The following NYAP2 variants were observed in gnomAD, a reference collection of about 807,000 sequenced individuals.
NYAP2 encodes neuronal tyrosine-phosphorylated phosphoinositide-3-kinase adapter 2.
NYAP2 carries 23 observed loss-of-function variants against 50.4 expected under a neutral mutation model. The observed-to-expected ratio is 0.46, with a 90% CI of 0.33 to 0.65. The LOEUF (loss-of-function observed/expected upper bound fraction) is 0.65. NYAP2 is among the 30% of genes least tolerant of loss of function. NYAP2 has a pLI of 0.02. For synonymous variants in NYAP2, 394 were observed against 365.2 expected (o/e 1.08, Z -0.90); for missense variants, 885 against 861.0 (o/e 1.03, Z -0.35).
chr2:225,674,642 G>C, the NYAP2 span, among the ~76,000 whole-genome samples: 144,870 of 152,120 alleles, frequency 0.95, 69,088 homozygotes, highest in African/African-American at 0.99. Flanking sequence ...CATGTCATTA[G>C]TCTGTTGATT....
intron 4 of NYAP2, among the ~76,000 whole-genome samples, chr2:225,522,455 T>C (rs1691081922): frequency 6.6e-6 from 1 of 152,100 alleles, no homozygotes; most frequent in Admixed American, 6.6e-5. Flanking sequence ...GCAATCATGG[T>C]TGTTGTTACA....
the NYAP2 span, among the ~76,000 whole-genome samples, chr2:225,690,200 T>A: frequency 1.3e-5 from 2 of 152,142 alleles, no homozygotes; most frequent in Non-Finnish European, 2.9e-5. Flanking sequence ...TGAGGAGTAG[T>A]GTTGCCTCTA....
intron 5 of NYAP2, 98 bp downstream of exon 5, chr2:225,583,133 C>T: frequency 7.4e-7 from 1 of 1,353,618 alleles, no homozygotes; most frequent in Non-Finnish European, 9.8e-7. Flanking sequence ...AGTACGGGGT[C>T]TTGAGGCCTT....
At chr2:225,456,713 A>T (rs1220019559) in intron 3 of NYAP2, among the ~76,000 whole-genome samples, 4 of 151,932 alleles carry the variant, frequency 2.6e-5, no homozygotes, top group Non-Finnish European at 5.9e-5. Context: ...GCCAACTTTT[A>T]GTTTGTGTCT....
At chr2:225,695,328 T>G in the NYAP2 span, among the ~76,000 whole-genome samples, 1 of 151,890 alleles carries the variant, frequency 6.6e-6, no homozygotes, top group Non-Finnish European at 1.5e-5. Flanking sequence ...ACTTAATGTT[T>G]GTGTAGACAA....
chr2:225,688,842 A>T, the NYAP2 span, among the ~76,000 whole-genome samples: 1 of 152,138 alleles, frequency 6.6e-6, no homozygotes, highest in Non-Finnish European at 1.5e-5. Flanking sequence ...TCCTGGGCTT[A>T]AGCGATTCTC....
intron 4 of NYAP2, among the ~76,000 whole-genome samples, chr2:225,531,722 T>C (rs1389276523): frequency 2.6e-5 from 4 of 152,228 alleles, no homozygotes; most frequent in Non-Finnish European, 4.4e-5. Flanking sequence ...TGATTTATGA[T>C]CCTCAGAGAG....
intron 3 of NYAP2, among the ~76,000 whole-genome samples, chr2:225,467,138 C>T (rs1259037629): frequency 3.3e-5 from 5 of 152,114 alleles, no homozygotes; most frequent in Admixed American, 1.3e-4. Context: ...GGAGAACATG[C>T]GCAGTGTGTT....
At chr2:225,541,067 C>G (rs1691461006) in intron 4 of NYAP2, among the ~76,000 whole-genome samples, 1 of 151,998 alleles carries the variant, frequency 6.6e-6, no homozygotes, top group Non-Finnish European at 1.5e-5. Context: ...TTTCATATAC[C>G]TGTTTGCAAT....
intron 5 of NYAP2, among the ~76,000 whole-genome samples, chr2:225,605,874 A>G (rs1692776274): frequency 6.6e-6 from 1 of 152,134 alleles, no homozygotes; most frequent in Non-Finnish European, 1.5e-5. Context: ...ATTAGGGAAA[A>G]CAGTGGAATC....
At chr2:225,500,742 T>A (rs146004472) in intron 3 of NYAP2, among the ~76,000 whole-genome samples, 73 of 152,304 alleles carry the variant, frequency 4.8e-4, no homozygotes, top group Non-Finnish European at 9.6e-4. Context: ...TGATTTTGTT[T>A]GACAAATCAC....
Position 225,582,776 on chromosome 2 carries a change from G to A in NYAP2, c.1359G>A (p.Arg453=). 2 of 1,613,776 alleles carry A rather than the reference G, an allele frequency of 1.2e-6. No homozygotes were observed. The highest frequency in any genetic ancestry group is 1.7e-6 in the Non-Finnish European group (2 of 1,179,854). Residue 453 remains arginine (R), a synonymous_variant, in exon 5 of 7, where the codon AGG becomes AGA. Coordinates refer to ENST00000636099, the Ensembl canonical transcript of NYAP2. This position sits in a 1 kb window ranked among gnomAD's most constrained non-coding sequence, Gnocchi z 7.0. ...CCCTGACTCCCCTGAGCCTCAAAAG[G>A]CCTCCCCCTTACGACGCTGTGCATT...
intron 3 of NYAP2, among the ~76,000 whole-genome samples, chr2:225,450,314 A>G (rs1465997529): frequency 1.3e-5 from 2 of 152,226 alleles, no homozygotes; most frequent in African/African-American, 2.4e-5. Flanking sequence ...TTCTAACATC[A>G]GTAAATATGA....
At chr2:225,520,885 T>G (rs1459765200) in intron 4 of NYAP2, among the ~76,000 whole-genome samples, 1 of 152,160 alleles carries the variant, frequency 6.6e-6, no homozygotes, top group Admixed American at 6.6e-5. Flanking sequence ...TTTCATGGTA[T>G]TGATTCTTCC....
intron 5 of NYAP2, among the ~76,000 whole-genome samples, chr2:225,606,255 A>G (rs1016136074): frequency 1.6e-4 from 24 of 152,108 alleles, no homozygotes; most frequent in Middle Eastern, 3.2e-3. Flanking sequence ...CGGTGCTATG[A>G]CTGGGACTCC....
At chr2:225,658,610 T>C (rs559378197), downstream of NYAP2, among the ~76,000 whole-genome samples, 28 of 152,300 alleles carry the variant, frequency 1.8e-4, no homozygotes, top group Non-Finnish European at 1.3e-4. Context: ...GCAAAAAATA[T>C]ATAAAAAGCA....
intron 4 of NYAP2, among the ~76,000 whole-genome samples, chr2:225,570,289 A>C (rs1442027312): frequency 6.6e-6 from 1 of 152,208 alleles, no homozygotes; most frequent in Non-Finnish European, 1.5e-5. Flanking sequence ...CCCTCTCATC[A>C]GATGTCTAGA....
chr2:225,685,811 G>C, the NYAP2 span, among the ~76,000 whole-genome samples: 1 of 152,174 alleles, frequency 6.6e-6, no homozygotes, highest in Non-Finnish European at 1.5e-5. Flanking sequence ...CTTCTGAAAA[G>C]CCTCTTACGA....
chr2:225,485,139 G>A (rs746076607), intron 3 of NYAP2, among the ~76,000 whole-genome samples: 1 of 152,124 alleles, frequency 6.6e-6, no homozygotes, highest in Non-Finnish European at 1.5e-5. Context: ...TTGAATCATG[G>A]GGGTGGTTTC....
Sources: allele counts gnomAD v4.1 joint callset (sites outside exome capture counted in the v4.1 genomes callset), GRCh38; gene constraint gnomAD v4.1.1; non-coding constraint Gnocchi (gnomAD v3.1); transcripts MANE v1.5; gene names NCBI Gene and HGNC (gene_info 2026-07-23, HGNC 2026-07-21).